The following STXBP2 variants were observed in gnomAD, a reference collection of about 807,000 sequenced individuals.
STXBP2 encodes syntaxin-binding protein 2.
In STXBP2, 47 loss-of-function variants were observed where a neutral mutation model predicts 72.2. The ratio of observed to expected loss-of-function variants is 0.65; its 90% CI spans 0.51 to 0.83. The LOEUF (loss-of-function observed/expected upper bound fraction) is 0.83. STXBP2 is among the 40% of genes least tolerant of loss of function. The pLI is 0.00. For synonymous variants in STXBP2, 367 were observed against 338.7 expected, an observed-to-expected ratio of 1.08 and a Z score of -0.92; for missense variants, 702 against 807.6, an observed-to-expected ratio of 0.87 and a Z score of 1.58.
chr19:7,644,367 T>A (rs576834930), intron 13 of STXBP2: 1 of 554,958 alleles, frequency 1.8e-6, no homozygotes, highest in Admixed American at 3.1e-5. Flanking sequence ...GGAGAGGTAG[T>A]CTCAGGATAG....
chr19:7,630,453 C>T, the STXBP2 span: 1 of 771,464 alleles, frequency 1.3e-6, no homozygotes, highest in Non-Finnish European at 2.1e-6. Flanking sequence ...TTCTGGGATT[C>T]TTGGGTCGGC....
At position 7,642,486 on chromosome 19, in the gene STXBP2, C is replaced by T. The variant is rs1156836833; in HGVS notation, c.852C>T (p.Asp284=). The change falls in exon 10 of 19, where the codon GAC becomes GAT. Residue 284 remains aspartate, a synonymous_variant. Coordinates refer to ENST00000221283, the MANE Select transcript of STXBP2 (RefSeq NM_006949.4). This position sits in a 1 kb window ranked among gnomAD's most constrained non-coding sequence, Gnocchi z 6.0. ...AREKAVLLDE[D]DDLWVELRHM... is the part of the protein sequence containing the mutation. ...AGAAGGCCGTCTTGCTGGACGAGGA[C>T]GATGACTTGTGGGTGGAGCTTCGCC... 1.2e-5 allele frequency: 20 copies of T among 1,613,944 alleles called. No individual in the cohort carries two copies. The highest frequency in any genetic ancestry group is 5.3e-5 in the African/African-American group (4 of 74,928).
At position 7,642,480 on chromosome 19, in the gene STXBP2, C is replaced by T. The variant is rs143108973; in HGVS notation, c.846C>T (p.Asp282=). ...SEAREKAVLL[D]EDDDLWVELR... is the part of the protein sequence containing the mutation. The stretch of plus-strand genomic sequence containing the variant: ...CGCGGGAGAAGGCCGTCTTGCTGGA[C>T]GAGGACGATGACTTGTGGGTGGAGC... The change falls in exon 10 of 19, where the codon GAC becomes GAT. Residue 282 remains aspartate, a synonymous_variant. Transcript: ENST00000221283. This position sits in a 1 kb window ranked among gnomAD's most constrained non-coding sequence, Gnocchi z 6.0. The T allele has an allele frequency of 1.7e-4, 278 of 1,614,044 alleles. 1 individual carries two copies. The African/African-American group carries it at 2.9e-3, about 17-fold the overall frequency.
the STXBP2 span, chr19:7,631,243 G>A: frequency 6.4e-6 from 9 of 1,411,382 alleles, no homozygotes; most frequent in Non-Finnish European, 8.3e-6. Context: ...CATGAGTAAG[G>A]AACCGAGAGC....
In STXBP2 at chr19:7,639,028, A is replaced by G. The variant is rs769918010; in HGVS notation, c.97A>G (p.Met33Val). 7.4e-6 allele frequency: 12 copies of G among 1,614,046 alleles called. No homozygotes were observed. The South Asian group carries it at 1.3e-4, about 18-fold the overall frequency. Residue 33 changes from methionine to valine, a missense_variant, in exon 3 of 19, where the codon ATG (methionine) becomes GTG (valine). Transcript: ENST00000221283. ...CCATCCATCTGGACAGGTGCTTATCATGGATCACCCAAGCATGCGCATCTT... is the reference window on the plus strand; with the variant it reads ...CCATCCATCTGGACAGGTGCTTATCGTGGATCACCCAAGCATGCGCATCTT... ...KKDGEWKVLI[M>V]DHPSMRILSS...
Position 7,646,308 on chromosome 19 carries a change from G to A in STXBP2, c.1416G>A (p.Leu472=), listed in dbSNP as rs761667771. 3 of 1,611,328 alleles carry A rather than the reference G, an allele frequency of 1.9e-6. No homozygotes were observed. Among genetic ancestry groups the A allele is most frequent in the South Asian group, 2.2e-5 (2 of 90,422 alleles). ...PRERMEPTYQ[L]SRWTPVIKDV... Reference sequence around the variant, plus strand: ...AACGCATGGAGCCCACCTATCAGCTGTCCCGCTGGACCCCGGTCATCAAGG... The same window carrying A: ...AACGCATGGAGCCCACCTATCAGCTATCCCGCTGGACCCCGGTCATCAAGG... Residue 472 remains leucine, a synonymous_variant, in exon 16 of 19, where the codon CTG becomes CTA. Transcript: ENST00000221283.
intron 4 of STXBP2, chr19:7,640,118 A>T: frequency 1.9e-6 from 1 of 538,402 alleles, no homozygotes; most frequent in Non-Finnish European, 3.5e-6. Flanking sequence ...GCATGTGTGT[A>T]TGCGTGTGTA....
Position 7,646,364 on chromosome 19 carries a change from G to C in STXBP2, c.1452+20G>C. ...ATGGAGGTACTGGGTGGCAGGTCAG[G>C]GTGGGGGCCAGCCCTCCGCATCGGC... is the stretch of plus-strand genomic sequence containing the variant. On this transcript the variant is annotated intron_variant, in intron 16 of 18. Transcript: ENST00000221283. 1.9e-6 allele frequency: 3 copies of C among 1,588,700 alleles called. No individual in the cohort carries two copies. The highest frequency in any genetic ancestry group is 1.1e-5 in the South Asian group (1 of 87,558).
Position 7,647,819 on chromosome 19 carries a change from C to A in STXBP2, c.*9C>A, listed in dbSNP as rs768603839. 6.2e-7 allele frequency: 1 copy of A among 1,605,630 alleles called. No homozygotes were observed. The highest frequency in any genetic ancestry group is 8.5e-7 in the Non-Finnish European group (1 of 1,174,208). ...ACATTGCCCTGCCCTGACCCCTGGC[C>A]CCGCCCCCTACCCCTCCCTTTCCAG... On this transcript the variant is annotated 3_prime_UTR_variant, in exon 19 of 19. Coordinates refer to ENST00000221283, the MANE Select transcript of STXBP2 (RefSeq NM_006949.4).
chr19:7,643,120 G>T, intron 12 of STXBP2, 45 bp from the exon 13 acceptor site: 1 of 1,614,036 alleles, frequency 6.2e-7, no homozygotes, highest in Non-Finnish European at 8.5e-7. Context: ...GTTCTGCCTT[G>T]ACTCAGCCTT....
chr19:7,640,233 T>G (rs894183834), intron 4 of STXBP2: 3 of 534,894 alleles, frequency 5.6e-6, no homozygotes, highest in Non-Finnish European at 1.1e-5. Flanking sequence ...TGTGTGTGCG[T>G]CTGTGTGTAT....
chr19:7,638,917 C>T, intron 2 of STXBP2, 102 bp from the exon 3 acceptor site: 6 of 1,566,392 alleles, frequency 3.8e-6, no homozygotes, highest in Non-Finnish European at 5.3e-6. Flanking sequence ...TCCCACCCAG[C>T]CAGCCCTTGA....
chr19:7,646,314 C>A lies in STXBP2; in HGVS notation c.1422C>A (p.Arg474=). 2 of 1,611,044 alleles carry A rather than the reference C, an allele frequency of 1.2e-6. No individual in the cohort carries two copies. The highest frequency in any genetic ancestry group is 1.7e-6 in the Non-Finnish European group (2 of 1,179,004). ...TGGAGCCCACCTATCAGCTGTCCCG[C>A]TGGACCCCGGTCATCAAGGATGTAA... is the stretch of plus-strand genomic sequence containing the variant. ...ERMEPTYQLS[R]WTPVIKDVME... The change falls in exon 16 of 19, where the codon CGC becomes CGA. Residue 474 remains arginine (R), a synonymous_variant. Coordinates refer to ENST00000221283, the MANE Select transcript of STXBP2 (RefSeq NM_006949.4).
rs1225514226 is a variant in STXBP2, at chr19:7,641,038, G to T, written c.429+35G>T. ...GGGCTCATCCTGGGCAGGGGGTGGGGGTTTGTGACCAAATGTCCCCTGTTC... is the reference window on the plus strand; with the variant it reads ...GGGCTCATCCTGGGCAGGGGGTGGGTGTTTGTGACCAAATGTCCCCTGTTC... On this transcript the variant is annotated intron_variant, in intron 6 of 18. Transcript: ENST00000221283. The T allele has an allele frequency of 6.2e-6, 10 of 1,606,488 alleles. 1 individual carries two copies. The South Asian group carries it at 1.1e-4, about 18-fold the overall frequency.
chr19:7,641,602 G>A, intron 6 of STXBP2, 103 bp from the exon 7 acceptor site: 1 of 1,490,466 alleles, frequency 6.7e-7, no homozygotes, highest in South Asian at 1.2e-5. Context: ...AGGCTTCAGG[G>A]ACCAGGGACG....
At chr19:7,632,777 G>A (rs141790809), upstream of STXBP2, 1,655 of 1,566,734 alleles carry the variant, frequency 1.1e-3, 3 homozygotes, top group East Asian at 3.9e-3. The surrounding 1 kb of genome is among the most constrained non-coding windows in gnomAD (Gnocchi z 5.2). Context: ...CCATCCGGTC[G>A]CCCTGCACGT....
chr19:7,630,956 T>C, the STXBP2 span: 1 of 1,368,766 alleles, frequency 7.3e-7, no homozygotes, highest in Middle Eastern at 1.8e-4. Flanking sequence ...ATGCTTGTAA[T>C]CCCAGGGCAT....
In STXBP2 at chr19:7,641,843, C is replaced by T. The variant is rs370053399; in HGVS notation, c.568C>T (p.Arg190Cys). The T allele has an allele frequency of 5.3e-4, 822 of 1,554,922 alleles. No homozygotes were observed. The highest frequency in any genetic ancestry group is 6.0e-4 in the Non-Finnish European group (692 of 1,149,974). ...CACCCTGCAGGAGTACCCGGCCATC[C>T]GCTACCGCAAGTGGGGACCCCACCC... ...CATLQEYPAIRYRKGPEDTAQ... is the reference protein window; with the variant it reads ...CATLQEYPAICYRKGPEDTAQ... Residue 190 changes from arginine to cysteine, a missense_variant, in exon 7 of 19, where the codon CGC (arginine) becomes TGC (cysteine). Transcript: ENST00000221283.
upstream of STXBP2, chr19:7,632,772 C>T (rs144974437): frequency 2.0e-5 from 31 of 1,567,976 alleles, 1 homozygote; most frequent in East Asian, 1.4e-4. This position sits in a 1 kb window ranked among gnomAD's most constrained non-coding sequence, Gnocchi z 5.2. Context: ...TCCCTCCATC[C>T]GGTCGCCCTG....
Sources: allele counts gnomAD v4.1 joint callset, GRCh38; gene constraint gnomAD v4.1.1; non-coding constraint Gnocchi (gnomAD v3.1); transcripts MANE v1.5; gene names NCBI Gene and HGNC (gene_info 2026-07-23, HGNC 2026-07-21).